Variants in MACROD2 observed in about 807,000 individuals in gnomAD.
The protein encoded by MACROD2 is ADP-ribose glycohydrolase MACROD2.
In MACROD2, 36 loss-of-function variants were observed where a neutral mutation model predicts 70.4. That is an observed-to-expected ratio of 0.51 (90% confidence interval 0.39 to 0.68). MACROD2 has a LOEUF of 0.68. MACROD2 is among the 30% of genes least tolerant of loss of function. MACROD2 has a pLI of 0.00. For synonymous variants in MACROD2, 172 were observed against 178.8 expected (o/e 0.96, Z 0.30); for missense variants, 496 against 538.4 (o/e 0.92, Z 0.78).
At chr20:14,889,186 C>T (rs1294670698) in intron 5 of MACROD2, among the ~76,000 whole-genome samples, 1 of 152,090 alleles carries the variant, frequency 6.6e-6, no homozygotes, top group Admixed American at 6.6e-5. Flanking sequence ...TGTTCCTTGC[C>T]TTATTTTGTT....
At chr20:15,346,419 G>A (rs1216414715) in intron 6 of MACROD2, among the ~76,000 whole-genome samples, 1 of 152,174 alleles carries the variant, frequency 6.6e-6, no homozygotes, top group Admixed American at 6.6e-5. Flanking sequence ...TCAGGAAAGA[G>A]GAAGATTTCC....
At chr20:15,237,927 A>G (rs968798219) in intron 6 of MACROD2, among the ~76,000 whole-genome samples, 1 of 152,176 alleles carries the variant, frequency 6.6e-6, no homozygotes, top group African/African-American at 2.4e-5. Flanking sequence ...CAGCAAGGGT[A>G]TTTGCTAGAA....
At chr20:14,855,381 C>T (rs1030998033) in intron 5 of MACROD2, among the ~76,000 whole-genome samples, 22 of 152,122 alleles carry the variant, frequency 1.4e-4, no homozygotes, top group African/African-American at 3.4e-4. Context: ...AGGACCCCAT[C>T]CAAGTCCTTA....
At chr20:15,450,005 T>C (rs377282432) in intron 7 of MACROD2, among the ~76,000 whole-genome samples, 3 of 151,978 alleles carry the variant, frequency 2.0e-5, no homozygotes, top group Non-Finnish European at 4.4e-5. Context: ...AAAAAATAAA[T>C]AAACATATAA....
At chr20:15,085,904 A>T (rs2123148688) in intron 5 of MACROD2, among the ~76,000 whole-genome samples, 1 of 151,672 alleles carries the variant, frequency 6.6e-6, no homozygotes, top group East Asian at 1.9e-4. Context: ...ACACACACAC[A>T]CACACACAGA....
intron 4 of MACROD2, among the ~76,000 whole-genome samples, chr20:14,579,917 A>G (rs1980894580): frequency 6.6e-6 from 1 of 152,210 alleles, no homozygotes; most frequent in Admixed American, 6.5e-5. Context: ...AAAGTCCCTC[A>G]TCTTGGAGGA....
At chr20:14,399,686 G>C (rs1463089370) in intron 3 of MACROD2, among the ~76,000 whole-genome samples, 3 of 151,992 alleles carry the variant, frequency 2.0e-5, no homozygotes, top group Non-Finnish European at 4.4e-5. Flanking sequence ...ATGCATATTA[G>C]GTTGTTTACA....
intron 5 of MACROD2, among the ~76,000 whole-genome samples, chr20:15,070,923 AAC>A (rs201278175): frequency 2.0e-4 from 29 of 147,488 alleles, no homozygotes; most frequent in Non-Finnish European, 3.1e-4. Flanking sequence ...AAAAAAAAAA[AAC>A]CCAAAAAAGT....
intron 3 of MACROD2, among the ~76,000 whole-genome samples, chr20:14,352,943 C>T (rs1333976247): frequency 6.6e-6 from 1 of 152,150 alleles, no homozygotes; most frequent in African/African-American, 2.4e-5. Context: ...TGAGTTTCCA[C>T]TCTCATCCAC....
At chr20:15,034,354 C>T (rs2075297374) in intron 5 of MACROD2, among the ~76,000 whole-genome samples, 2 of 152,128 alleles carry the variant, frequency 1.3e-5, no homozygotes, top group African/African-American at 2.4e-5. Context: ...AGGCAAATAA[C>T]TTTCTCTGCT....
At chr20:15,785,883 G>A (rs2051916990) in intron 8 of MACROD2, among the ~76,000 whole-genome samples, 2 of 152,004 alleles carry the variant, frequency 1.3e-5, no homozygotes, top group Admixed American at 6.6e-5. Flanking sequence ...AAAATTAAGG[G>A]ATATTAATAT....
chr20:15,766,480 CT>C (rs2051527398), intron 8 of MACROD2, among the ~76,000 whole-genome samples: 1 of 152,170 alleles, frequency 6.6e-6, no homozygotes, highest in South Asian at 2.1e-4. Flanking sequence ...TCAAACAAGT[CT>C]CTTATTCTCT....
intron 7 of MACROD2, among the ~76,000 whole-genome samples, chr20:15,442,498 T>A (rs535378675): frequency 6.6e-6 from 1 of 152,092 alleles, no homozygotes; most frequent in Non-Finnish European, 1.5e-5. Context: ...TTACCCGCCC[T>A]GGTGCTGGCA....
chr20:14,140,044 T>G (rs1569176474), intron 3 of MACROD2, among the ~76,000 whole-genome samples: 1 of 152,140 alleles, frequency 6.6e-6, no homozygotes, highest in African/African-American at 2.4e-5. Flanking sequence ...ACGCCAAAAA[T>G]CTGAAAAAAA....
intron 8 of MACROD2, among the ~76,000 whole-genome samples, chr20:15,720,804 A>G (rs2050777337): frequency 6.6e-6 from 1 of 152,216 alleles, no homozygotes; most frequent in Admixed American, 6.5e-5. Flanking sequence ...TGATTAAGAC[A>G]TATAAAGCCA....
intron 3 of MACROD2, chr20:14,128,169 C>G: frequency 2.4e-6 from 1 of 422,644 alleles, no homozygotes; most frequent in Non-Finnish European, 4.6e-6. Context: ...TTGATGCTTT[C>G]CCTGGAGAGC....
At chr20:15,577,412 G>A (rs1249700218) in intron 8 of MACROD2, among the ~76,000 whole-genome samples, 3 of 151,552 alleles carry the variant, frequency 2.0e-5, no homozygotes, top group African/African-American at 4.9e-5. Context: ...ACCTCTAAAA[G>A]GTAATATTTT....
chr20:14,892,350 C>A (rs952674132), intron 5 of MACROD2, among the ~76,000 whole-genome samples: 2 of 152,034 alleles, frequency 1.3e-5, no homozygotes, highest in African/African-American at 4.8e-5. Flanking sequence ...TGGTGCACGC[C>A]TGTAATCCCA....
intron 5 of MACROD2, among the ~76,000 whole-genome samples, chr20:15,038,330 A>G (rs1346122014): frequency 6.6e-6 from 1 of 152,202 alleles, no homozygotes; most frequent in East Asian, 1.9e-4. Context: ...AGAAAAGAAT[A>G]TGGAGTAAAA....
Sources: gnomAD v4.1 joint callset for allele counts (sites outside exome capture counted in the v4.1 genomes callset) on GRCh38, gnomAD v4.1.1 for gene constraint, MANE v1.5 for transcripts, NCBI Gene and HGNC (gene_info 2026-07-23, HGNC 2026-07-21) for gene names.